ACOXL: variants seen among roughly 807,000 people sequenced by gnomAD.
The protein encoded by ACOXL is acyl-coenzyme A oxidase-like protein.
ACOXL carries 70 observed loss-of-function variants against 71.9 expected under a neutral mutation model. The ratio of observed to expected loss-of-function variants is 0.97; its 90% CI spans 0.80 to 1.19. The LOEUF (loss-of-function observed/expected upper bound fraction) is 1.19. Ranked by LOEUF, ACOXL falls within the 50% of genes most tolerant of loss-of-function variation. The pLI, the probability that ACOXL is intolerant of heterozygous loss-of-function variation, is 0.00. For synonymous variants in ACOXL, 253 were observed against 281.6 expected (o/e 0.90, Z 1.02); for missense variants, 703 against 736.3 (o/e 0.95, Z 0.52).
intron 1 of ACOXL, among the ~76,000 whole-genome samples, chr2:110,766,043 A>G (rs1347699461): frequency 6.6e-6 from 1 of 151,936 alleles, no homozygotes; most frequent in Non-Finnish European, 1.5e-5. Context: ...TTTTTTCCCC[A>G]TTTATTTCAA....
chr2:110,769,715 G>A (rs1346238569), intron 2 of ACOXL, among the ~76,000 whole-genome samples: 1 of 152,086 alleles, frequency 6.6e-6, no homozygotes, highest in Non-Finnish European at 1.5e-5. Flanking sequence ...CACGCCTGTA[G>A]TCCCAGCTAC....
chr2:110,999,702 C>G (rs1255863503), intron 14 of ACOXL, among the ~76,000 whole-genome samples: 1 of 152,170 alleles, frequency 6.6e-6, no homozygotes, highest in Non-Finnish European at 1.5e-5. Flanking sequence ...TCTAATCACT[C>G]TGGGCAAAAC....
At chr2:111,045,295 T>G (rs1558907351) in intron 15 of ACOXL, among the ~76,000 whole-genome samples, 1 of 152,214 alleles carries the variant, frequency 6.6e-6, no homozygotes, top group African/African-American at 2.4e-5. Context: ...TTTTTCCTCC[T>G]ATTTAAAAGT....
intron 1 of ACOXL, among the ~76,000 whole-genome samples, chr2:110,739,791 C>T (rs756658244): frequency 3.3e-5 from 5 of 152,232 alleles, no homozygotes; most frequent in Non-Finnish European, 7.3e-5. Context: ...GCCCTGTAGA[C>T]TTAGCATCCT....
chr2:110,881,217 T>A (rs946472442), intron 10 of ACOXL, among the ~76,000 whole-genome samples: 1 of 151,846 alleles, frequency 6.6e-6, no homozygotes, highest in African/African-American at 2.4e-5. Context: ...TATGTAGATA[T>A]ACAGGAGGTT....
At chr2:110,821,603 G>A (rs977406) in intron 9 of ACOXL, among the ~76,000 whole-genome samples, 3,809 of 152,208 alleles carry the variant, frequency 0.025, 70 homozygotes, top group East Asian at 0.055. Flanking sequence ...GTCCAAAGTC[G>A]AACTTGTCAA....
chr2:111,008,147 T>G (rs1233002472), intron 14 of ACOXL, among the ~76,000 whole-genome samples: 2 of 152,186 alleles, frequency 1.3e-5, no homozygotes, highest in Non-Finnish European at 2.9e-5. Context: ...TTTTTCCCCC[T>G]CTTTTGGTGT....
At chr2:110,836,007 G>A (rs143199903) in intron 9 of ACOXL, among the ~76,000 whole-genome samples, 1 of 152,334 alleles carries the variant, frequency 6.6e-6, no homozygotes, top group Non-Finnish European at 1.5e-5. Flanking sequence ...TGGCCACAAA[G>A]CTCACTGTTA....
chr2:111,011,324 T>G (rs756869368), intron 14 of ACOXL, among the ~76,000 whole-genome samples: 1 of 151,860 alleles, frequency 6.6e-6, no homozygotes, highest in African/African-American at 2.4e-5. Context: ...AAAGAAGACA[T>G]GGAAGAAGAA....
At chr2:110,797,354 A>G (rs1304135220) in intron 5 of ACOXL, among the ~76,000 whole-genome samples, 3 of 152,200 alleles carry the variant, frequency 2.0e-5, no homozygotes, top group Non-Finnish European at 2.9e-5. Context: ...CCTCCTAAGA[A>G]AGAGACTCAT....
At chr2:110,901,901 C>T (rs1431573438) in intron 10 of ACOXL, among the ~76,000 whole-genome samples, 1 of 152,028 alleles carries the variant, frequency 6.6e-6, no homozygotes, top group African/African-American at 2.4e-5. Context: ...GTGGCATGCA[C>T]CTGTAATCCC....
At chr2:110,861,158 G>A (rs1478517253) in intron 10 of ACOXL, among the ~76,000 whole-genome samples, 1 of 151,930 alleles carries the variant, frequency 6.6e-6, no homozygotes, top group Non-Finnish European at 1.5e-5. Context: ...CAATAACAAC[G>A]GTTTTATTTC....
rs576278310 is a variant in ACOXL at position 110,902,596 on chromosome 2, G to T, written c.789-6193G>T. ...GATCACCTGGTGTTGGAGGTGGTGA[G>T]GCTTAGGGCTGAAGATCAGGGTGTC... On this transcript the variant is annotated intron_variant, in intron 10 of 17. Transcript: ENST00000439055. 4.6e-5 allele frequency among the ~76,000 whole-genome samples: 7 copies of T among 152,324 alleles called. No individual in the cohort carries two copies. In the South Asian group the frequency reaches 1.4e-3, roughly 32 times the overall value.
chr2:110,905,687 G>A (rs796955355), intron 10 of ACOXL, among the ~76,000 whole-genome samples: 16 of 152,258 alleles, frequency 1.1e-4, no homozygotes, highest in African/African-American at 3.6e-4. Context: ...GGGCTCTGGC[G>A]TCCTCAGGGG....
chr2:111,053,626 G>A (rs965779475), intron 16 of ACOXL, among the ~76,000 whole-genome samples: 8 of 152,352 alleles, frequency 5.3e-5, no homozygotes, highest in African/African-American at 1.4e-4. Flanking sequence ...TGTTTAGGGT[G>A]GAAGTTGGCA....
At chr2:110,798,841 C>T in intron 6 of ACOXL, 117 bp downstream of exon 6, 1 of 1,173,000 alleles carries the variant, frequency 8.5e-7, no homozygotes, top group Non-Finnish European at 1.3e-6. Context: ...AACTTTATCT[C>T]CTAATATGCA....
intron 16 of ACOXL, among the ~76,000 whole-genome samples, chr2:111,065,458 C>T (rs553881150): frequency 3.9e-5 from 6 of 152,228 alleles, no homozygotes; most frequent in African/African-American, 9.6e-5. Flanking sequence ...TATGGTTAGA[C>T]GGTGAGCTCT....
intron 2 of ACOXL, among the ~76,000 whole-genome samples, chr2:110,775,798 G>A (rs919054335): frequency 6.6e-6 from 1 of 152,166 alleles, no homozygotes; most frequent in Non-Finnish European, 1.5e-5. Context: ...GTGCATTGTC[G>A]GTGGTGATGT....
intron 9 of ACOXL, among the ~76,000 whole-genome samples, chr2:110,819,855 T>TA (rs1283870162): frequency 6.6e-6 from 1 of 152,182 alleles, no homozygotes; most frequent in Non-Finnish European, 1.5e-5. Flanking sequence ...TTTGGTTTGA[T>TA]ATAGGCCAGC....
Sources: gnomAD v4.1 joint callset for allele counts (sites outside exome capture counted in the v4.1 genomes callset) on GRCh38, gnomAD v4.1.1 for gene constraint, MANE v1.5 for transcripts, NCBI Gene and HGNC (gene_info 2026-07-23, HGNC 2026-07-21) for gene names.